FER1L6: variants seen among roughly 807,000 people sequenced by gnomAD.
The protein encoded by FER1L6 is fer-1-like protein 6.
FER1L6 carries 177 observed loss-of-function variants against 219.2 expected under a neutral mutation model. That is an observed-to-expected ratio of 0.81 (90% confidence interval 0.71 to 0.91). The LOEUF (loss-of-function observed/expected upper bound fraction) is 0.91, where lower values mean the gene tolerates loss of function less well. Among genes scored for constraint, FER1L6 ranks in the 40% least tolerant of loss-of-function variants. FER1L6 has a pLI of 0.00. For synonymous variants in FER1L6, 768 were observed against 824.3 expected, an observed-to-expected ratio of 0.93 and a Z score of 1.17; for missense variants, 2,153 against 2,259.9, an observed-to-expected ratio of 0.95 and a Z score of 0.96.
At chr8:124,114,813 T>C (rs535694930) in intron 39 of FER1L6, among the ~76,000 whole-genome samples, 3 of 150,374 alleles carry the variant, frequency 2.0e-5, no homozygotes, top group Admixed American at 6.6e-5. Flanking sequence ...TGATCTTATA[T>C]ATGTATGTAC....
At chr8:123,859,935 A>T (rs1440967667) in intron 1 of FER1L6, among the ~76,000 whole-genome samples, 1 of 142,862 alleles carries the variant, frequency 7.0e-6, no homozygotes, top group African/African-American at 2.7e-5. Context: ...GCCACATTTT[A>T]TTTATTTATT....
At chr8:123,980,835 G>A (rs766165566) in intron 11 of FER1L6, 24 bp downstream of exon 11, 1 of 1,578,050 alleles carries the variant, frequency 6.3e-7, no homozygotes, top group Admixed American at 1.7e-5. Flanking sequence ...CTGCATTATG[G>A]TACTTTACCT....
chr8:124,111,830 T>C lies in FER1L6; in HGVS notation c.5290-7014T>C, dbSNP rs956342017. ...GAAGGTCTTTATGACCTGTATCTTG[T>C]GCTGACCTCCAATCTCATACTGTGA... On this transcript the variant is annotated intron_variant, in intron 39 of 40. Transcript: ENST00000522917. The surrounding 1 kb of genome is among the most constrained non-coding windows in gnomAD (Gnocchi z 5.0). Among the ~76,000 whole-genome samples the C allele has an allele frequency of 1.3e-5, 2 of 152,132 alleles. No homozygotes were observed. The highest frequency in any genetic ancestry group is 4.8e-5 in the African/African-American group (2 of 41,432).
chr8:123,901,254 T>C (rs565704305), intron 1 of FER1L6, among the ~76,000 whole-genome samples: 1 of 152,240 alleles, frequency 6.6e-6, no homozygotes, highest in Non-Finnish European at 1.5e-5. Flanking sequence ...TTTCCAGGAA[T>C]TAATCCATCT....
chr8:124,015,607 A>ATATATATATACG (rs71289634), intron 15 of FER1L6, among the ~76,000 whole-genome samples: 1 of 88,606 alleles, frequency 1.1e-5, no homozygotes, highest in African/African-American at 4.3e-5. Flanking sequence ...ATATATATAT[A>ATATATATATACG]TATATATATT....
At chr8:124,031,388 G>T (rs934447778) in intron 18 of FER1L6, among the ~76,000 whole-genome samples, 5 of 152,106 alleles carry the variant, frequency 3.3e-5, no homozygotes, top group African/African-American at 1.2e-4. Flanking sequence ...TCAGTAAAAA[G>T]GGTATTATCT....
At chr8:123,871,409 A>T (rs932665953) in intron 1 of FER1L6, among the ~76,000 whole-genome samples, 1 of 152,146 alleles carries the variant, frequency 6.6e-6, no homozygotes, top group Admixed American at 6.5e-5. Flanking sequence ...ACTAAGAGGA[A>T]CCCAGAGTAC....
intron 1 of FER1L6, among the ~76,000 whole-genome samples, chr8:123,940,256 T>C (rs1814181317): frequency 6.6e-6 from 1 of 152,190 alleles, no homozygotes; most frequent in Non-Finnish European, 1.5e-5. Context: ...TGGATTTGTA[T>C]TGATATAATC....
intron 1 of FER1L6, among the ~76,000 whole-genome samples, chr8:123,890,625 ATTTTTTT>A (rs59914385): frequency 1.8e-4 from 16 of 91,424 alleles, no homozygotes; most frequent in Non-Finnish European, 2.6e-4. Flanking sequence ...TAAAAATTTG[ATTTTTTT>A]TTTTTTTTTT....
chr8:124,003,408 C>T (rs2130506339), intron 13 of FER1L6, 61 bp downstream of exon 13: 11 of 880,498 alleles, frequency 1.2e-5, no homozygotes, highest in South Asian at 6.7e-5. Context: ...TGTCCAGTTT[C>T]TAGGACTGTT....
intron 15 of FER1L6, among the ~76,000 whole-genome samples, chr8:124,015,217 C>G (rs1022752598): frequency 6.6e-6 from 1 of 152,086 alleles, no homozygotes; most frequent in Non-Finnish European, 1.5e-5. Flanking sequence ...CTGTTAGAAG[C>G]AAGTCACTAG....
chr8:123,980,351 T>A, intron 10 of FER1L6, 114 bp from the exon 11 acceptor site: 1 of 849,912 alleles, frequency 1.2e-6, no homozygotes, highest in East Asian at 2.6e-5. Flanking sequence ...TCATGGGATA[T>A]CCTGTCAATA....
intron 18 of FER1L6, among the ~76,000 whole-genome samples, chr8:124,033,495 A>ATT (rs796412106): frequency 2.0e-5 from 3 of 148,186 alleles, no homozygotes; most frequent in African/African-American, 4.9e-5. Context: ...AACTTACTTG[A>ATT]TTTTTTTTTT....
chr8:123,996,155 T>C (rs534269218), intron 12 of FER1L6, among the ~76,000 whole-genome samples: 1 of 152,168 alleles, frequency 6.6e-6, no homozygotes, highest in Non-Finnish European at 1.5e-5. Flanking sequence ...GTCCTATAAA[T>C]ATCTATTATG....
chr8:123,975,083 G>A (rs1021879592), intron 7 of FER1L6, 67 bp from the exon 8 acceptor site: 3 of 1,414,934 alleles, frequency 2.1e-6, no homozygotes, highest in African/African-American at 2.9e-5. Flanking sequence ...TTGGCGTGTG[G>A]GAGAGAAAGG....
chr8:123,865,519 C>G (rs1001769239), intron 1 of FER1L6, among the ~76,000 whole-genome samples: 3 of 151,478 alleles, frequency 2.0e-5, no homozygotes, highest in African/African-American at 4.9e-5. Context: ...CCAGTTTGAG[C>G]TTCCAGGCTG....
At chr8:124,019,407 C>T (rs550044930) in intron 16 of FER1L6, among the ~76,000 whole-genome samples, 1 of 152,292 alleles carries the variant, frequency 6.6e-6, no homozygotes, top group East Asian at 1.9e-4. Flanking sequence ...TAATTATGTG[C>T]ATGTATTGTT....
intron 1 of FER1L6, among the ~76,000 whole-genome samples, chr8:123,929,748 C>G (rs150761015): frequency 2.4e-4 from 36 of 152,212 alleles, no homozygotes; most frequent in African/African-American, 7.7e-4. Context: ...TCAGTACTAC[C>G]AAATAAAGTC....
chr8:123,896,357 T>G (rs1812741650), intron 1 of FER1L6, among the ~76,000 whole-genome samples: 1 of 152,256 alleles, frequency 6.6e-6, no homozygotes, highest in African/African-American at 2.4e-5. Flanking sequence ...AAAGCATGGC[T>G]TCTTCCTTGT....
Sources: allele counts gnomAD v4.1 joint callset (sites outside exome capture counted in the v4.1 genomes callset), GRCh38; gene constraint gnomAD v4.1.1; non-coding constraint Gnocchi (gnomAD v3.1); transcripts MANE v1.5; gene names NCBI Gene and HGNC (gene_info 2026-07-23, HGNC 2026-07-21).